The following HNRNPUL1 variants were observed in gnomAD, a reference collection of about 807,000 sequenced individuals.
The protein encoded by HNRNPUL1 is heterogeneous nuclear ribonucleoprotein U like 1.
In HNRNPUL1, 14 loss-of-function variants were observed where a neutral mutation model predicts 108.5. The ratio of observed to expected loss-of-function variants is 0.13; its 90% CI spans 0.09 to 0.20. The LOEUF (loss-of-function observed/expected upper bound fraction) is 0.20, where lower values mean the gene tolerates loss of function less well. Among genes scored for constraint, HNRNPUL1 ranks in the 10% least tolerant of loss-of-function variants. HNRNPUL1 has a pLI of 1.00. For missense variants in HNRNPUL1, 804 were observed against 1,168.3 expected (o/e 0.69, Z 4.55); for synonymous variants, 422 against 445.2 (o/e 0.95, Z 0.66).
intron 10 of HNRNPUL1, among the ~76,000 whole-genome samples, chr19:41,301,048 G>A (rs1467705936): frequency 6.6e-6 from 1 of 152,200 alleles, no homozygotes; most frequent in Non-Finnish European, 1.5e-5. Context: ...AAAGCCTCAG[G>A]AGGATGTGCA....
Position 41,292,266 on chromosome 19 carries a change from G to C in HNRNPUL1, c.1021G>C (p.Val341Leu). ...CFADFECGND[V>L]ELSFTKNGKW... ...CTAGGATTTTGAATGTGGAAATGACGTGGAACTGTCTTTTACCAAGAATGG... is the reference window on the plus strand; with the variant it reads ...CTAGGATTTTGAATGTGGAAATGACCTGGAACTGTCTTTTACCAAGAATGG... Residue 341 changes from valine to leucine, a missense_variant, in exon 8 of 15, where the codon GTG becomes CTG. Val to Leu is a conservative substitution (Grantham distance 32, BLOSUM62 1). Around this residue, in one of 4 missense-constraint regions of HNRNPUL1, gnomAD observed 174 missense variants for 296.6 expected, o/e 0.59. Coordinates refer to ENST00000392006, the MANE Select transcript of HNRNPUL1 (RefSeq NM_007040.6). The surrounding 1 kb of genome is among the most constrained non-coding windows in gnomAD (Gnocchi z 4.1). 1.9e-6 allele frequency: 3 copies of C among 1,614,168 alleles called. No individual in the cohort carries two copies. Among genetic ancestry groups the C allele is most frequent in the Middle Eastern group, 1.6e-4 (1 of 6,062 alleles).
At chr19:41,290,885 C>T (rs1025541585) in intron 7 of HNRNPUL1, among the ~76,000 whole-genome samples, 2 of 152,044 alleles carry the variant, frequency 1.3e-5, no homozygotes, top group Non-Finnish European at 2.9e-5. Flanking sequence ...GGAGAAACCC[C>T]GTCTACTAAA....
chr19:41,303,226 T>C (rs1486674637), intron 12 of HNRNPUL1, among the ~76,000 whole-genome samples: 1 of 152,152 alleles, frequency 6.6e-6, no homozygotes, highest in East Asian at 1.9e-4. Flanking sequence ...CATCTGACCA[T>C]GAGCTCCTTG....
chr19:41,293,684 G>A (rs142614816), intron 8 of HNRNPUL1, among the ~76,000 whole-genome samples: 1 of 152,312 alleles, frequency 6.6e-6, no homozygotes, highest in East Asian at 1.9e-4. Flanking sequence ...ATTGCAGGGG[G>A]CGGGGAATGG....
At chr19:41,276,344 T>C in intron 5 of HNRNPUL1, 46 bp downstream of exon 5, 1 of 1,560,796 alleles carries the variant, frequency 6.4e-7, no homozygotes. Context: ...AGTCCATCCA[T>C]TGTAATATCC....
intron 7 of HNRNPUL1, among the ~76,000 whole-genome samples, chr19:41,284,487 G>C (rs2036092164): frequency 6.6e-6 from 1 of 151,496 alleles, no homozygotes; most frequent in African/African-American, 2.4e-5. Context: ...GCATCATGGT[G>C]AAAACAAACT....
chr19:41,300,321 A>ATTT lies in HNRNPUL1; in HGVS notation c.1519-1204_1519-1202dup, dbSNP rs71177711. ...CAAGCAGGCCACATCTTCAGAATAC[A>ATTT]TTTTTTTTTTTTTGGTCCATTTGTA... On this transcript the variant is annotated intron_variant, in intron 10 of 14. Transcript: ENST00000392006. Among the ~76,000 whole-genome samples the ATTT allele has an allele frequency of 4.4e-3, 635 of 145,386 alleles. 3 individuals are homozygous for ATTT. The highest frequency in any genetic ancestry group is 0.015 in the African/African-American group (612 of 39,796).
upstream of HNRNPUL1, among the ~76,000 whole-genome samples, chr19:41,263,974 CA>C (rs1166263194): frequency 6.6e-6 from 1 of 152,202 alleles, no homozygotes; most frequent in African/African-American, 2.4e-5. Context: ...GGGAGATGTA[CA>C]CCAATCGGAA....
At chr19:41,269,401 G>A (rs1174630809) in intron 2 of HNRNPUL1, among the ~76,000 whole-genome samples, 1 of 147,342 alleles carries the variant, frequency 6.8e-6, no homozygotes, top group East Asian at 2.0e-4. Context: ...GATCACTTGA[G>A]CCCAGGAGTT....
At chr19:41,270,741 G>A (rs191749265) in intron 2 of HNRNPUL1, among the ~76,000 whole-genome samples, 199 of 151,800 alleles carry the variant, frequency 1.3e-3, no homozygotes, top group African/African-American at 4.2e-3. Context: ...GACTACGGGC[G>A]TGCCACCACA....
chr19:41,292,032 C>T lies in HNRNPUL1; in HGVS notation c.1000-213C>T. The T allele has an allele frequency of 1.8e-6, 1 of 565,366 alleles. No individual in the cohort carries two copies. The highest frequency in any genetic ancestry group is 2.3e-5 in the South Asian group (1 of 43,346). The allele number at this position is 565,366 out of a possible 1,614,324, so 35.0% of individuals were successfully genotyped here. A position where few individuals can be genotyped will look rare whatever the true frequency, so the allele number is the denominator to read the frequency against. ...CTCTTGCTTACTTGCTTCATATCCA[C>T]CAACTTTGGGGTCTTAGGCAAGGAG... On this transcript the variant is annotated intron_variant, in intron 7 of 14. Transcript: ENST00000392006. This position sits in a 1 kb window ranked among gnomAD's most constrained non-coding sequence, Gnocchi z 4.1.
Position 41,294,274 on chromosome 19 carries a change from C to A in HNRNPUL1, c.1267-64C>A. On this transcript the variant is annotated intron_variant, in intron 8 of 14. Coordinates refer to ENST00000392006, the MANE Select transcript of HNRNPUL1 (RefSeq NM_007040.6). This position sits in a 1 kb window ranked among gnomAD's most constrained non-coding sequence, Gnocchi z 4.3. ...AGAGGTCCAGAGTCACACTCACAGT[C>A]ACCACCGAGCCAAGTGGTGCCATAC... 1 of 1,589,892 alleles carries A rather than the reference C, an allele frequency of 6.3e-7. No individual in the cohort carries two copies. The highest frequency in any genetic ancestry group is 1.1e-5 in the South Asian group (1 of 87,946).
Position 41,306,590 on chromosome 19 carries a change from A to C in HNRNPUL1, c.*25A>C. The C allele has an allele frequency of 7.0e-7, 1 of 1,424,166 alleles. No homozygotes were observed. The highest frequency in any genetic ancestry group is 9.4e-7 in the Non-Finnish European group (1 of 1,067,292). The allele number at this position is 1,424,166 out of a possible 1,614,324, so 88.2% of individuals were successfully genotyped here. ...GCCAGTGTGACCCAGAGGCTCCCGG[A>C]GGCCCCTGCCGGCTTCCTCCACCAG... On this transcript the variant is annotated 3_prime_UTR_variant, in exon 15 of 15. Coordinates refer to ENST00000392006, the MANE Select transcript of HNRNPUL1 (RefSeq NM_007040.6).
chr19:41,267,328 GA>G (rs2034912824), intron 1 of HNRNPUL1, among the ~76,000 whole-genome samples: 1 of 152,302 alleles, frequency 6.6e-6, no homozygotes, highest in South Asian at 2.1e-4. Context: ...ACAGGAGAGA[GA>G]TGCTGGGGAA....
intron 7 of HNRNPUL1, among the ~76,000 whole-genome samples, chr19:41,290,704 ATAACT>A (rs1366292132): frequency 2.6e-5 from 4 of 152,316 alleles, no homozygotes; most frequent in Admixed American, 6.5e-5. Context: ...ACAAGATGAA[ATAACT>A]TAACCAAGGC....
At chr19:41,303,070 A>G in intron 12 of HNRNPUL1, 121 bp downstream of exon 12, 1 of 1,146,300 alleles carries the variant, frequency 8.7e-7, no homozygotes, top group Non-Finnish European at 1.2e-6. Flanking sequence ...ATACTCTGGT[A>G]GAAAACTTGA....
chr19:41,290,737 TA>T (rs1477735646), intron 7 of HNRNPUL1, among the ~76,000 whole-genome samples: 3 of 152,122 alleles, frequency 2.0e-5, no homozygotes, highest in African/African-American at 7.2e-5. Context: ...TAGTAAATGG[TA>T]GAACTGAAGC....
At position 41,274,437 on chromosome 19, in the gene HNRNPUL1, T is replaced by C. The variant is rs542280174; in HGVS notation, c.646+382T>C. ...GGAATCTGAGTGCAGCTGGGGAAAC[T>C]TAACTCTTTGACAACCAGTTCCCGT... On this transcript the variant is annotated intron_variant, in intron 4 of 14. Transcript: ENST00000392006. Among the ~76,000 whole-genome samples, 6 of 152,312 alleles carry C rather than the reference T, an allele frequency of 3.9e-5. No individual in the cohort carries two copies. In the South Asian group the frequency reaches 1.2e-3, roughly 32 times the overall value.
In HNRNPUL1 at chr19:41,264,629, TGACGACGAGCGGGAGCTCGACGCC is replaced by T. The variant is rs780948785; in HGVS notation, c.135_158del (p.Arg46_Glu53del). 5.7e-6 allele frequency: 9 copies of T among 1,584,152 alleles called. No individual in the cohort carries two copies. In the East Asian group the frequency reaches 1.1e-4, roughly 20 times the overall value. On this transcript the variant is annotated inframe_deletion, in exon 1 of 15. Coordinates refer to ENST00000392006, the MANE Select transcript of HNRNPUL1 (RefSeq NM_007040.6). ...AGGCGGCGTTGGAGGCCGAGGAGCC[TGACGACGAGCGGGAGCTCGACGCC>T]GACGACGAACCGGGGCGACCCGGGC...
Sources: gnomAD v4.1 joint callset for allele counts (sites outside exome capture counted in the v4.1 genomes callset) on GRCh38, gnomAD v4.1.1 for gene constraint, gnomAD v4.1.1 regional missense constraint, Gnocchi (gnomAD v3.1) non-coding constraint, MANE v1.5 for transcripts, NCBI Gene and HGNC (gene_info 2026-07-23, HGNC 2026-07-21) for gene names.